The following ZNF503 variants were observed in gnomAD, a reference collection of about 807,000 sequenced individuals.
ZNF503 encodes NocA-like zinc finger 2.
ZNF503 carries 15 observed loss-of-function variants against 34.4 expected under a neutral mutation model. The observed-to-expected ratio is 0.44, with a 90% CI of 0.29 to 0.67. ZNF503 has a LOEUF of 0.67. Among genes scored for constraint, ZNF503 ranks in the 30% least tolerant of loss-of-function variants. ZNF503 has a pLI of 0.13. For synonymous variants in ZNF503, 580 were observed against 456.8 expected (o/e 1.27, Z -3.44); for missense variants, 1,007 against 926.8 (o/e 1.09, Z -1.12).
chr10:75,329,455 CT>C, the ZNF503 span, among the ~76,000 whole-genome samples: 2 of 117,082 alleles, frequency 1.7e-5, no homozygotes, highest in Non-Finnish European at 3.7e-5. Context: ...TTCTTTCTTT[CT>C]TTCTCTTTCT....
the ZNF503 span, among the ~76,000 whole-genome samples, chr10:75,286,310 G>A: frequency 7.3e-5 from 11 of 150,920 alleles, no homozygotes; most frequent in Non-Finnish European, 1.2e-4. Context: ...AGAGCCTGGA[G>A]CTAAGAAATA....
At chr10:75,297,178 A>G in the ZNF503 span, among the ~76,000 whole-genome samples, 1 of 151,924 alleles carries the variant, frequency 6.6e-6, no homozygotes, top group African/African-American at 2.4e-5. Flanking sequence ...GCAAACTCCT[A>G]CTCATCCTTC....
the ZNF503 span, among the ~76,000 whole-genome samples, chr10:75,359,562 C>G: frequency 6.6e-6 from 1 of 152,204 alleles, no homozygotes. Context: ...CAGCACCCAT[C>G]CCTCCTACAA....
chr10:75,391,704 G>A, the ZNF503 span, among the ~76,000 whole-genome samples: 7 of 152,018 alleles, frequency 4.6e-5, no homozygotes, highest in Admixed American at 2.0e-4. Flanking sequence ...AAGAGTTCCC[G>A]ATTCATGCAC....
At chr10:75,290,487 C>T in the ZNF503 span, among the ~76,000 whole-genome samples, 1 of 152,138 alleles carries the variant, frequency 6.6e-6, no homozygotes, top group Non-Finnish European at 1.5e-5. Flanking sequence ...CATGGTCTCT[C>T]TATGATCTTG....
At chr10:75,342,095 G>C in the ZNF503 span, among the ~76,000 whole-genome samples, 2 of 151,972 alleles carry the variant, frequency 1.3e-5, no homozygotes, top group East Asian at 3.9e-4. Context: ...AAATCACTTG[G>C]CTGCAAGGAT....
At chr10:75,310,600 C>T in the ZNF503 span, among the ~76,000 whole-genome samples, 1 of 152,210 alleles carries the variant, frequency 6.6e-6, no homozygotes, top group South Asian at 2.1e-4. Flanking sequence ...TACTCCAAAA[C>T]CCTACCAGAA....
At chr10:75,372,997 A>G in the ZNF503 span, among the ~76,000 whole-genome samples, 5 of 152,180 alleles carry the variant, frequency 3.3e-5, no homozygotes, top group Non-Finnish European at 7.4e-5. Context: ...AGAGGAAGGA[A>G]AGAAGGAAGG....
the ZNF503 span, among the ~76,000 whole-genome samples, chr10:75,357,911 T>C: frequency 1.3e-5 from 2 of 152,344 alleles, no homozygotes; most frequent in African/African-American, 2.4e-5. Context: ...TTCTGCAGCC[T>C]GAGTCTCCTC....
In ZNF503 at chr10:75,401,425, A is replaced by C. The variant is rs1843817741; in HGVS notation, c.-6T>G. 1 of 1,532,220 alleles carries C rather than the reference A, an allele frequency of 6.5e-7. No homozygotes were observed. The allele number at this position is 1,532,220 out of a possible 1,614,324, so 94.9% of individuals were successfully genotyped here. ...AGCGAGGGCGCTGTGCTCATGACCC[A>C]CCCGCGCGCATGGGAGCAGCGGGGG... On this transcript the variant is annotated 5_prime_UTR_variant, in exon 1 of 2. Transcript: ENST00000372524.
chr10:75,335,268 T>C, the ZNF503 span, among the ~76,000 whole-genome samples: 5 of 152,224 alleles, frequency 3.3e-5, no homozygotes, highest in African/African-American at 9.6e-5. Context: ...AAATGCTATA[T>C]TGGCGTTTGC....
At chr10:75,294,322 A>T in the ZNF503 span, among the ~76,000 whole-genome samples, 1 of 152,184 alleles carries the variant, frequency 6.6e-6, no homozygotes, top group Non-Finnish European at 1.5e-5. Context: ...AAAGAAAAGG[A>T]TCCCTTGCCA....
Position 75,401,168 on chromosome 10 carries a change from A to C in ZNF503, c.252T>G (p.Thr84=). The C allele has an allele frequency of 6.2e-7, 1 of 1,611,700 alleles. No homozygotes were observed. Among genetic ancestry groups the C allele is most frequent in the Admixed American group, 1.7e-5 (1 of 59,796 alleles). The part of the protein sequence containing the change: ...IKVLKMLTAR[T]GHILHPEYLQ... ...GGTACTCGGGGTGCAAAATGTGGCC[A>C]GTTCGTGCCGTCAGCATCTTCAGCA... The change falls in exon 1 of 2, where the codon ACT becomes ACG. Residue 84 remains threonine (T), a synonymous_variant. Transcript: ENST00000372524.
rs1275790299 is a variant in ZNF503, at chr10:75,397,882, C to G, written c.*867G>C. On this transcript the variant is annotated 3_prime_UTR_variant, in exon 2 of 2. Coordinates refer to ENST00000372524, the MANE Select transcript of ZNF503 (RefSeq NM_032772.6). ...ATATACGGAATTTTAATCTTTAAAG[C>G]GATACATTGTCTATTATTTTAGTAC... 6.6e-6 allele frequency: 1 copy of G among 152,640 alleles called. No individual in the cohort carries two copies. Among genetic ancestry groups the G allele is most frequent in the Admixed American group, 6.5e-5 (1 of 15,280 alleles). 9.5% of individuals were successfully genotyped at this position (152,640 alleles called of 1,614,324 possible). A position where few individuals can be genotyped will look rare whatever the true frequency, so the allele number is the denominator to read the frequency against.
the ZNF503 span, among the ~76,000 whole-genome samples, chr10:75,305,428 T>C: frequency 2.0e-5 from 3 of 152,288 alleles, no homozygotes; most frequent in East Asian, 3.8e-4. Flanking sequence ...TTTCTACTTT[T>C]ATTTTAAAGT....
At chr10:75,364,963 G>C in the ZNF503 span, among the ~76,000 whole-genome samples, 1 of 152,160 alleles carries the variant, frequency 6.6e-6, no homozygotes, top group East Asian at 1.9e-4. Context: ...GTTATTAAGG[G>C]GAACTTGGCT....
chr10:75,290,022 T>C, the ZNF503 span, among the ~76,000 whole-genome samples: 1 of 152,330 alleles, frequency 6.6e-6, no homozygotes, highest in East Asian at 1.9e-4. Context: ...CCTCTGCCCC[T>C]GACAACCACC....
rs760375543 is a variant in ZNF503 at position 75,401,354 on chromosome 10, T to TCCGCCG, written c.60_65dup (p.Gly26_Gly27dup). 396 of 1,516,828 alleles carry TCCGCCG rather than the reference T, an allele frequency of 2.6e-4. 2 individuals carry two copies. The highest frequency in any genetic ancestry group is 8.4e-4 in the South Asian group (70 of 83,828). 94.0% of individuals were successfully genotyped at this position (1,516,828 alleles called of 1,614,324 possible). ...CAGGGTCTGCACCGCCGCCTCCGCC[T>TCCGCCG]CCGCCGCCGCCGCCGCCGCTGTGCT... On this transcript the variant is annotated inframe_insertion, in exon 1 of 2. Coordinates refer to ENST00000372524, the MANE Select transcript of ZNF503 (RefSeq NM_032772.6).
the ZNF503 span, among the ~76,000 whole-genome samples, chr10:75,302,287 C>T: frequency 1.3e-5 from 2 of 152,076 alleles, no homozygotes; most frequent in African/African-American, 2.4e-5. Context: ...TTTCTGCTTT[C>T]AAGGGTTTTT....
Sources: allele counts gnomAD v4.1 joint callset (sites outside exome capture counted in the v4.1 genomes callset), GRCh38; gene constraint gnomAD v4.1.1; transcripts MANE v1.5; gene names NCBI Gene and HGNC (gene_info 2026-07-23, HGNC 2026-07-21).